The following RBFOX1 variants were observed in gnomAD, a reference collection of about 807,000 sequenced individuals.
The protein encoded by RBFOX1 is RNA binding fox-1 homolog 1.
A neutral mutation model predicts 57.7 loss-of-function variants in RBFOX1; 8 were observed. The ratio of observed to expected loss-of-function variants is 0.14; its 90% CI spans 0.08 to 0.25. The LOEUF is 0.25. RBFOX1 is among the 10% of genes least tolerant of loss of function. The probability of loss-of-function intolerance (pLI) is 1.00; values close to 1 mark genes in which losing one functional copy is unlikely to be tolerated. For missense variants in RBFOX1, 611 were observed against 548.5 expected (o/e 1.11, Z -1.14); for synonymous variants, 326 against 222.4 (o/e 1.47, Z -4.15).
At chr16:5,373,846 C>T (rs960963825) in intron 1 of RBFOX1, among the ~76,000 whole-genome samples, 2 of 152,194 alleles carry the variant, frequency 1.3e-5, no homozygotes, top group African/African-American at 2.4e-5. Flanking sequence ...TCAAGTGATC[C>T]ACCTGCCGTG....
At chr16:7,333,038 G>A (rs753586841) in intron 4 of RBFOX1, 4 of 1,613,850 alleles carry the variant, frequency 2.5e-6, no homozygotes, top group Non-Finnish European at 3.4e-6. Context: ...GCATCCTTAT[G>A]GCGTGCCTAT....
chr16:5,535,443 C>G (rs1389583766), intron 2 of RBFOX1, among the ~76,000 whole-genome samples: 1 of 152,178 alleles, frequency 6.6e-6, no homozygotes, highest in Non-Finnish European at 1.5e-5. Context: ...AAGTGACAGG[C>G]ATTCTGATTC....
At chr16:6,351,370 A>ATTTTTTTT (rs1446484402) in intron 2 of RBFOX1, among the ~76,000 whole-genome samples, 1 of 100,540 alleles carries the variant, frequency 9.9e-6, no homozygotes, top group African/African-American at 5.2e-5. Context: ...ATATATATAT[A>ATTTTTTTT]TATTTTTTTT....
In RBFOX1 at chr16:7,015,482, A is replaced by G. The variant is rs564354108; in HGVS notation, c.-15-36575A>G. 3.2e-4 allele frequency among the ~76,000 whole-genome samples: 48 copies of G among 152,308 alleles called. 1 individual carries two copies. Among genetic ancestry groups the G allele is most frequent in the African/African-American group, 1.1e-3 (46 of 41,572 alleles). On this transcript the variant is annotated intron_variant, in intron 3 of 15. Transcript: ENST00000550418. The stretch of plus-strand genomic sequence containing the variant: ...GGAAGTTTTGCTCATCAGTGTTCAG[A>G]CAGAGGCTGGGGAGAGGAAAAAGTG...
intron 2 of RBFOX1, among the ~76,000 whole-genome samples, chr16:6,344,398 C>CTTTTTTTTATTT (rs1176288797): frequency 1.4e-5 from 1 of 71,960 alleles, no homozygotes; most frequent in African/African-American, 1.1e-4. Context: ...CTTCTTTTTT[C>CTTTTTTTTATTT]TTTTTTTTCT....
At chr16:5,798,684 C>T (rs1396328794) in intron 3 of RBFOX1, among the ~76,000 whole-genome samples, 4 of 152,136 alleles carry the variant, frequency 2.6e-5, no homozygotes, top group Admixed American at 6.6e-5. Context: ...GAGAAGGGAC[C>T]TTCTGTTTAC....
rs570471300 is a variant in RBFOX1, at chr16:6,846,923, A to C, written c.-16+192273A>C. On this transcript the variant is annotated intron_variant, in intron 3 of 15. Transcript: ENST00000550418. ...GCCTCTAAATTACCCTAGGAAACAA[A>C]AAAAAAAAGAGGTGATGGCTACAGT... Among the ~76,000 whole-genome samples the C allele has an allele frequency of 1.1e-3, 166 of 152,020 alleles. 1 individual carries two copies. The highest frequency in any genetic ancestry group is 3.8e-3 in the African/African-American group (156 of 41,404).
chr16:7,054,335 G>C (rs1487097689), intron 4 of RBFOX1, among the ~76,000 whole-genome samples: 7 of 139,704 alleles, frequency 5.0e-5, no homozygotes, highest in Non-Finnish European at 3.0e-5. Context: ...TGACTCCCTG[G>C]TTTAAGCAAT....
intron 4 of RBFOX1, among the ~76,000 whole-genome samples, chr16:7,359,637 C>T (rs192955778): frequency 2.6e-5 from 4 of 152,298 alleles, no homozygotes; most frequent in Admixed American, 1.3e-4. Flanking sequence ...GGCTTGCTGT[C>T]TACAGCACGT....
intron 1 of RBFOX1, among the ~76,000 whole-genome samples, chr16:6,192,250 A>T (rs898720920): frequency 6.6e-6 from 1 of 152,078 alleles, no homozygotes; most frequent in African/African-American, 2.4e-5. Context: ...AGGGCATTCT[A>T]CCCTATTATC....
intron 4 of RBFOX1, among the ~76,000 whole-genome samples, chr16:7,419,634 C>T (rs1047590855): frequency 2.6e-5 from 4 of 152,228 alleles, no homozygotes; most frequent in Non-Finnish European, 5.9e-5. Flanking sequence ...CTCTCCGCAG[C>T]CCTCAGGGAC....
At chr16:6,822,622 A>T (rs2091495546) in intron 3 of RBFOX1, among the ~76,000 whole-genome samples, 1 of 152,216 alleles carries the variant, frequency 6.6e-6, no homozygotes, top group South Asian at 2.1e-4. Context: ...TGGCAGATGA[A>T]GCTGCTCATA....
intron 4 of RBFOX1, among the ~76,000 whole-genome samples, chr16:7,213,456 G>C (rs569656366): frequency 6.6e-6 from 1 of 152,208 alleles, no homozygotes; most frequent in East Asian, 1.9e-4. Flanking sequence ...TGTGGTCCAT[G>C]AATCAGACTT....
intron 3 of RBFOX1, among the ~76,000 whole-genome samples, chr16:6,806,636 A>G (rs1376876614): frequency 6.6e-6 from 1 of 151,626 alleles, no homozygotes; most frequent in African/African-American, 2.4e-5. Context: ...TCTTTTACCT[A>G]CACGCGGTAA....
rs565477300 is a variant in RBFOX1, at chr16:5,342,592, A to G, written c.219+102487A>G. Among the ~76,000 whole-genome samples the G allele has an allele frequency of 1.5e-4, 23 of 152,316 alleles. No individual in the cohort carries two copies. In the South Asian group the frequency reaches 1.7e-3, roughly 11 times the overall value. ...TTAGCTCGGGCCATGAAACAGGGAA[A>G]GGACTCAAAAATGCAAAATGCTGCA... On this transcript the variant is annotated intron_variant, in intron 1 of 2. Transcript: ENST00000585867.
chr16:5,960,927 G>A (rs1473591827), intron 4 of RBFOX1, among the ~76,000 whole-genome samples: 7 of 152,170 alleles, frequency 4.6e-5, no homozygotes, highest in Admixed American at 2.6e-4. Context: ...AGGTGGAACC[G>A]CAATTGTGGT....
At chr16:6,597,091 C>G (rs1284510644) in intron 2 of RBFOX1, among the ~76,000 whole-genome samples, 1 of 152,116 alleles carries the variant, frequency 6.6e-6, no homozygotes, top group African/African-American at 2.4e-5. Flanking sequence ...GCTAGAATTG[C>G]TGTGTTCTGT....
chr16:6,745,425 A>G (rs112201763), intron 3 of RBFOX1, among the ~76,000 whole-genome samples: 1 of 152,316 alleles, frequency 6.6e-6, no homozygotes, highest in African/African-American at 2.4e-5. Context: ...AATGAAATCT[A>G]TTGACACATG....
At chr16:6,457,945 G>A (rs185528100) in intron 2 of RBFOX1, among the ~76,000 whole-genome samples, 30 of 152,202 alleles carry the variant, frequency 2.0e-4, no homozygotes, top group Admixed American at 1.1e-3. Flanking sequence ...GGGTGACATG[G>A]TGGTCACGTA....
Sources: allele counts gnomAD v4.1 joint callset (sites outside exome capture counted in the v4.1 genomes callset), GRCh38; gene constraint gnomAD v4.1.1; transcripts MANE v1.5; gene names NCBI Gene and HGNC (gene_info 2026-07-23, HGNC 2026-07-21).